The following SOX5 variants were observed in gnomAD, a reference collection of about 807,000 sequenced individuals.
SOX5 encodes the protein SRY-box transcription factor 5.
SOX5 carries 9 observed loss-of-function variants against 92.0 expected under a neutral mutation model. That is an observed-to-expected ratio of 0.10 (90% confidence interval 0.06 to 0.17). SOX5 has a LOEUF of 0.17. SOX5 is among the 10% of genes least tolerant of loss of function. The pLI, the probability that SOX5 is intolerant of heterozygous loss-of-function variation, is 1.00. For missense variants in SOX5, 642 were observed against 944.5 expected (o/e 0.68, Z 4.20); for synonymous variants, 344 against 336.3 (o/e 1.02, Z -0.25).
intron 3 of SOX5, among the ~76,000 whole-genome samples, chr12:23,789,299 A>G (rs2095431236): frequency 6.6e-6 from 1 of 151,864 alleles, no homozygotes; most frequent in South Asian, 2.1e-4. Context: ...CTTAACATAT[A>G]TTTTAATTCT....
intron 1 of SOX5, among the ~76,000 whole-genome samples, chr12:24,511,146 C>T (rs1184576699): frequency 6.6e-6 from 1 of 152,180 alleles, no homozygotes; most frequent in African/African-American, 2.4e-5. Context: ...AATCTCCAGA[C>T]CATTCCACCT....
At chr12:23,570,197 A>G (rs1041387205) in intron 10 of SOX5, among the ~76,000 whole-genome samples, 3 of 152,188 alleles carry the variant, frequency 2.0e-5, no homozygotes, top group Non-Finnish European at 4.4e-5. Context: ...TTCAACAAAT[A>G]TATTTTTTTC....
At chr12:24,112,987 T>G (rs1947551476) in intron 4 of SOX5, among the ~76,000 whole-genome samples, 1 of 151,884 alleles carries the variant, frequency 6.6e-6, no homozygotes, top group African/African-American at 2.4e-5. Context: ...CTTACACTGG[T>G]TCCCAACCAT....
intron 3 of SOX5, among the ~76,000 whole-genome samples, chr12:23,787,485 A>T (rs1382406558): frequency 3.3e-5 from 5 of 152,052 alleles, no homozygotes; most frequent in African/African-American, 1.2e-4. Context: ...ATCATTGGTT[A>T]AAAGAAAATT....
chr12:23,828,157 A>G (rs1043090655), intron 3 of SOX5, among the ~76,000 whole-genome samples: 2 of 152,200 alleles, frequency 1.3e-5, no homozygotes, highest in African/African-American at 4.8e-5. Flanking sequence ...ATTGCCTACC[A>G]TATTCAGTTC....
At chr12:23,767,013 T>C (rs1019096120) in intron 3 of SOX5, among the ~76,000 whole-genome samples, 2 of 152,072 alleles carry the variant, frequency 1.3e-5, no homozygotes, top group Admixed American at 6.6e-5. Flanking sequence ...CAGAAGTTAA[T>C]AGCCTGGGCA....
intron 2 of SOX5, among the ~76,000 whole-genome samples, chr12:24,293,427 T>C (rs1350301791): frequency 6.6e-6 from 1 of 152,196 alleles, no homozygotes; most frequent in East Asian, 1.9e-4. Flanking sequence ...GTCAGTTAAA[T>C]AAACTATTAC....
chr12:24,208,625 T>C (rs919719435), intron 4 of SOX5, among the ~76,000 whole-genome samples: 1 of 152,144 alleles, frequency 6.6e-6, no homozygotes, highest in Non-Finnish European at 1.5e-5. Flanking sequence ...CACTGTCACC[T>C]TGTAGATCTT....
Position 23,976,838 on chromosome 12 carries a change from A to G in SOX5, c.-1-80814T>C, listed in dbSNP as rs186349238. On this transcript the variant is annotated intron_variant, in intron 4 of 4. Coordinates refer to the SOX5 transcript ENST00000446891. ...TGTTGTTTTTTTTTTTAAAACAAAA[A>G]CAAAAACAGCATATATAAAACAACT... Among the ~76,000 whole-genome samples, 5 of 152,128 alleles carry G rather than the reference A, an allele frequency of 3.3e-5. No individual in the cohort carries two copies. In the East Asian group the frequency reaches 9.7e-4, roughly 29 times the overall value.
intron 4 of SOX5, among the ~76,000 whole-genome samples, chr12:24,021,723 G>A (rs1287976455): frequency 6.6e-6 from 1 of 152,168 alleles, no homozygotes; most frequent in Non-Finnish European, 1.5e-5. Flanking sequence ...ATTCACTGGA[G>A]TGCTTAACGA....
chr12:24,503,609 A>T (rs1948441549), intron 1 of SOX5, among the ~76,000 whole-genome samples: 1 of 152,170 alleles, frequency 6.6e-6, no homozygotes, highest in South Asian at 2.1e-4. Context: ...GATAAAGAAA[A>T]TGTGGCACAT....
At chr12:23,952,627 T>G (rs1179205508), upstream of SOX5, among the ~76,000 whole-genome samples, 1 of 152,192 alleles carries the variant, frequency 6.6e-6, no homozygotes, top group Non-Finnish European at 1.5e-5. Flanking sequence ...ACAAATTATT[T>G]CTTGCACAAT....
chr12:24,199,761 A>G (rs1287218992), intron 4 of SOX5, among the ~76,000 whole-genome samples: 1 of 152,202 alleles, frequency 6.6e-6, no homozygotes, highest in African/African-American at 2.4e-5. Flanking sequence ...AAATCCCTAC[A>G]CTACCACTGC....
chr12:24,190,779 G>T (rs902075959), intron 4 of SOX5, among the ~76,000 whole-genome samples: 2 of 152,130 alleles, frequency 1.3e-5, no homozygotes, highest in South Asian at 2.1e-4. Context: ...ATCAATTTAA[G>T]ATGCATCCCA....
At chr12:24,183,110 T>A (rs1955673866) in intron 4 of SOX5, among the ~76,000 whole-genome samples, 1 of 152,322 alleles carries the variant, frequency 6.6e-6, no homozygotes, top group South Asian at 2.1e-4. Context: ...CTAAGAACCA[T>A]ATTCTAGTAC....
At chr12:23,539,182 C>A (rs188975504) in intron 13 of SOX5, among the ~76,000 whole-genome samples, 136 of 152,102 alleles carry the variant, frequency 8.9e-4, no homozygotes, top group Non-Finnish European at 4.7e-4. Context: ...AAGGCTTTGG[C>A]CTCTCAAAGG....
intron 2 of SOX5, among the ~76,000 whole-genome samples, chr12:24,306,982 T>C (rs1373249598): frequency 6.6e-6 from 1 of 151,988 alleles, no homozygotes; most frequent in Non-Finnish European, 1.5e-5. Flanking sequence ...AACTACACGA[T>C]GATTAAAGAT....
At chr12:23,975,314 A>T (rs1948779860) in intron 4 of SOX5, among the ~76,000 whole-genome samples, 1 of 152,070 alleles carries the variant, frequency 6.6e-6, no homozygotes, top group Non-Finnish European at 1.5e-5. Flanking sequence ...TACTCTTAAG[A>T]TGAATTTGAT....
intron 3 of SOX5, among the ~76,000 whole-genome samples, chr12:23,816,765 C>T (rs998839706): frequency 1.3e-5 from 2 of 152,148 alleles, no homozygotes; most frequent in Non-Finnish European, 2.9e-5. Flanking sequence ...GAGAGTTACA[C>T]AGGAAGTGAG....
Sources: gnomAD v4.1 joint callset for allele counts (sites outside exome capture counted in the v4.1 genomes callset) on GRCh38, gnomAD v4.1.1 for gene constraint, MANE v1.5 for transcripts, NCBI Gene and HGNC (gene_info 2026-07-23, HGNC 2026-07-21) for gene names.